GRIA1: variants seen among roughly 807,000 people sequenced by gnomAD.
The protein encoded by GRIA1 is glutamate ionotropic receptor AMPA type subunit 1, also known as glutamate receptor 1.
Under a neutral mutation model 99.2 loss-of-function variants are expected in GRIA1, and 31 were observed. The observed-to-expected ratio is 0.31, with a 90% CI of 0.23 to 0.42. The LOEUF (loss-of-function observed/expected upper bound fraction) is 0.42. GRIA1 is among the 10% of genes least tolerant of loss of function. GRIA1 has a pLI of 1.00. For missense variants in GRIA1, 782 were observed against 1,157.5 expected, an observed-to-expected ratio of 0.68 and a Z score of 4.71; for synonymous variants, 438 against 432.4, an observed-to-expected ratio of 1.01 and a Z score of -0.16.
At chr5:153,792,217 T>C (rs1051355777) in intron 13 of GRIA1, among the ~76,000 whole-genome samples, 20 of 152,190 alleles carry the variant, frequency 1.3e-4, no homozygotes, top group African/African-American at 4.3e-4. Flanking sequence ...CATGAGCCCA[T>C]CAATGTAGGA....
intron 8 of GRIA1, among the ~76,000 whole-genome samples, chr5:153,694,385 G>A (rs773594069): frequency 6.6e-6 from 1 of 152,128 alleles, no homozygotes; most frequent in Non-Finnish European, 1.5e-5. Flanking sequence ...ATTTCAAAAT[G>A]CTCTATAATG....
intron 2 of GRIA1, among the ~76,000 whole-genome samples, chr5:153,524,507 T>C (rs1481597495): frequency 2.6e-5 from 4 of 152,330 alleles, no homozygotes; most frequent in Admixed American, 2.6e-4. Flanking sequence ...ATGAATAAAC[T>C]TTCTATCCTT....
At chr5:153,660,296 C>A (rs977574869) in intron 5 of GRIA1, among the ~76,000 whole-genome samples, 1 of 152,206 alleles carries the variant, frequency 6.6e-6, no homozygotes, top group Non-Finnish European at 1.5e-5. Context: ...TGACTGATTG[C>A]TACATTCTAG....
intron 2 of GRIA1, among the ~76,000 whole-genome samples, chr5:153,640,390 C>T (rs528533716): frequency 1.3e-5 from 2 of 152,364 alleles, no homozygotes; most frequent in African/African-American, 4.8e-5. Flanking sequence ...TGACACATGA[C>T]ACAATGACCT....
intron 11 of GRIA1, among the ~76,000 whole-genome samples, chr5:153,754,775 A>G (rs918005991): frequency 9.9e-5 from 15 of 152,234 alleles, no homozygotes; most frequent in Non-Finnish European, 1.9e-4. Flanking sequence ...CTATTTATGC[A>G]TTCATTTACT....
rs1415877575 is a variant in GRIA1, at chr5:153,731,154, C to T, written c.1823+25087C>T. 9.2e-5 allele frequency among the ~76,000 whole-genome samples: 14 copies of T among 152,014 alleles called. 1 individual carries two copies. The highest frequency in any genetic ancestry group is 7.9e-4 in the Admixed American group (12 of 15,238). On this transcript the variant is annotated intron_variant, in intron 11 of 15. Coordinates refer to ENST00000285900, the MANE Select transcript of GRIA1 (RefSeq NM_000827.4). Reference sequence around the variant, plus strand: ...AGTCTAAACCTATTAATGTATCATTCGAACCCTGTGAAATTTAGCCTCATC... The same window carrying T: ...AGTCTAAACCTATTAATGTATCATTTGAACCCTGTGAAATTTAGCCTCATC...
At chr5:153,601,412 G>A (rs1028102501) in intron 2 of GRIA1, among the ~76,000 whole-genome samples, 1 of 152,114 alleles carries the variant, frequency 6.6e-6, no homozygotes, top group Admixed American at 6.5e-5. Flanking sequence ...TTACAGCCCT[G>A]CTGTTTTATA....
At chr5:153,727,556 A>G (rs1760652489) in intron 11 of GRIA1, among the ~76,000 whole-genome samples, 1 of 152,250 alleles carries the variant, frequency 6.6e-6, no homozygotes, top group Non-Finnish European at 1.5e-5. Flanking sequence ...TACAAAATCA[A>G]TGTACAAAAA....
chr5:153,730,287 G>A (rs778834719), intron 11 of GRIA1, among the ~76,000 whole-genome samples: 1 of 152,058 alleles, frequency 6.6e-6, no homozygotes, highest in African/African-American at 2.4e-5. Context: ...CTGACTCCAA[G>A]CTCCATGAAG....
chr5:153,564,786 T>G (rs1281073296), intron 2 of GRIA1, among the ~76,000 whole-genome samples: 1 of 152,216 alleles, frequency 6.6e-6, no homozygotes, highest in Non-Finnish European at 1.5e-5. Context: ...GTTGCCATGT[T>G]TGTCTAACCC....
At chr5:153,647,211 G>GA (rs1754220768) in intron 3 of GRIA1, 44 bp downstream of exon 3, 7 of 1,597,094 alleles carry the variant, frequency 4.4e-6, no homozygotes, top group Non-Finnish European at 5.1e-6. Flanking sequence ...GGGATGGAGA[G>GA]AAAATTACCA....
At chr5:153,527,197 G>A (rs1206538113) in intron 2 of GRIA1, among the ~76,000 whole-genome samples, 3 of 152,090 alleles carry the variant, frequency 2.0e-5, no homozygotes, top group Non-Finnish European at 4.4e-5. Flanking sequence ...AATCCCTAAA[G>A]TCTAAAATTT....
intron 12 of GRIA1, among the ~76,000 whole-genome samples, chr5:153,766,724 G>A (rs1037117315): frequency 6.6e-6 from 1 of 152,170 alleles, no homozygotes; most frequent in African/African-American, 2.4e-5. Context: ...TGGGCTTGTG[G>A]ACACATCTAG....
chr5:153,588,235 A>T (rs17096210), intron 2 of GRIA1, among the ~76,000 whole-genome samples: 24,651 of 151,756 alleles, frequency 0.16, 2,434 homozygotes, highest in African/African-American at 0.26. Context: ...CAATTTTTGC[A>T]CTCCCTCTAT....
intron 5 of GRIA1, among the ~76,000 whole-genome samples, chr5:153,657,891 G>C (rs982945): frequency 0.41 from 61,711 of 152,044 alleles, 13,215 homozygotes; most frequent in Non-Finnish European, 0.45. Flanking sequence ...TTTGGGGAAC[G>C]AAGAGTCTCA....
chr5:153,807,020 C>A (rs889080043), intron 15 of GRIA1, among the ~76,000 whole-genome samples: 41 of 152,344 alleles, frequency 2.7e-4, no homozygotes, highest in Admixed American at 2.5e-3. Context: ...TTTTTGAGCA[C>A]CTATTCTCTG....
intron 5 of GRIA1, 143 bp downstream of exon 5, chr5:153,656,015 A>G: frequency 1.5e-6 from 1 of 676,038 alleles, no homozygotes; most frequent in South Asian, 1.7e-5. Flanking sequence ...GCAATACTAC[A>G]TTTTTATCTT....
Position 153,728,571 on chromosome 5 carries a change from A to T in GRIA1, c.1823+22504A>T, listed in dbSNP as rs1457057142. ...AAACAACCCCATCAAAAAGTGGGCG[A>T]AGGACATGAACAGACACTTCTCAAA... On this transcript the variant is annotated intron_variant, in intron 11 of 15. Transcript: ENST00000285900. Among the ~76,000 whole-genome samples, 6 of 93,712 alleles carry T rather than the reference A, an allele frequency of 6.4e-5. 1 individual carries two copies. Among genetic ancestry groups the T allele is most frequent in the Non-Finnish European group, 1.0e-4 (5 of 49,506 alleles). The allele number at this position is 93,712 out of a possible 152,430, so 61.5% of individuals were successfully genotyped here.
intron 2 of GRIA1, among the ~76,000 whole-genome samples, chr5:153,607,305 T>C (rs574433029): frequency 6.6e-6 from 1 of 151,992 alleles, no homozygotes; most frequent in African/African-American, 2.4e-5. Flanking sequence ...GTTTTGACTT[T>C]GTTTATCTTG....
Sources: gnomAD v4.1 joint callset for allele counts (sites outside exome capture counted in the v4.1 genomes callset) on GRCh38, gnomAD v4.1.1 for gene constraint, MANE v1.5 for transcripts, NCBI Gene and HGNC (gene_info 2026-07-23, HGNC 2026-07-21) for gene names.